The following NEBL variants were observed in gnomAD, a reference collection of about 807,000 sequenced individuals.
NEBL encodes nebulette, also known as LIM and SH3 protein 2.
In NEBL, 122 loss-of-function variants were observed where a neutral mutation model predicts 140.2. The ratio of observed to expected loss-of-function variants is 0.87; its 90% confidence interval spans 0.75 to 1.01. The LOEUF is 1.01. Ranked by LOEUF, NEBL falls within the 50% of genes least tolerant of loss-of-function variation. The pLI is 0.00. For synonymous variants in NEBL, 436 were observed against 398.9 expected, an observed-to-expected ratio of 1.09 and a Z score of -1.11; for missense variants, 1,365 against 1,231.3, an observed-to-expected ratio of 1.11 and a Z score of -1.62.
In NEBL at chr10:20,781,940, AAT is replaced by A. The variant is rs1266144066; in HGVS notation, c.*3805_*3806del. Reference sequence around the variant, plus strand: ...AGAAGCAAATCGCTAAGGTATAATTAATTTATGAAGTGAAGTTCATCTTGTGT... The same window carrying A: ...AGAAGCAAATCGCTAAGGTATAATTATTATGAAGTGAAGTTCATCTTGTGT... On this transcript the variant is annotated 3_prime_UTR_variant, in exon 28 of 28. Coordinates refer to ENST00000377122, the MANE Select transcript of NEBL (RefSeq NM_006393.3). The A allele has an allele frequency of 1.6e-4, 24 of 152,722 alleles. No homozygotes were observed. The highest frequency in any genetic ancestry group is 5.5e-4 in the African/African-American group (23 of 41,580). The allele number at this position is 152,722 out of a possible 1,614,324, so 9.5% of individuals were successfully genotyped here.
chr10:21,013,180 C>T (rs1382318314), intron 3 of NEBL, among the ~76,000 whole-genome samples: 3 of 152,194 alleles, frequency 2.0e-5, no homozygotes, highest in Non-Finnish European at 4.4e-5. Context: ...GCTGTGCTCC[C>T]TGAAGGAAAT....
chr10:21,284,126 G>A (rs1843026171), intron 1 of NEBL, among the ~76,000 whole-genome samples: 1 of 136,182 alleles, frequency 7.3e-6, no homozygotes, highest in African/African-American at 2.8e-5. Context: ...AGGAGAATCT[G>A]TAGAACCCAG....
intron 2 of NEBL, among the ~76,000 whole-genome samples, chr10:21,065,197 C>G (rs928997253): frequency 1.3e-5 from 2 of 152,184 alleles, no homozygotes; most frequent in African/African-American, 4.8e-5. Context: ...TCTGACCCCA[C>G]AGCATATGCC....
intron 3 of NEBL, among the ~76,000 whole-genome samples, chr10:21,209,757 C>T (rs901834677): frequency 1.3e-5 from 2 of 151,200 alleles, no homozygotes; most frequent in African/African-American, 4.9e-5. Flanking sequence ...GAACAGAGGC[C>T]TACACGTCAA....
At chr10:21,000,538 G>C (rs1301803911) in intron 3 of NEBL, among the ~76,000 whole-genome samples, 1 of 152,050 alleles carries the variant, frequency 6.6e-6, no homozygotes, top group Non-Finnish European at 1.5e-5. Flanking sequence ...CCATTCCCAG[G>C]TAAATGAGTC....
At chr10:21,132,214 T>G (rs1839145234) in intron 2 of NEBL, among the ~76,000 whole-genome samples, 1 of 152,196 alleles carries the variant, frequency 6.6e-6, no homozygotes, top group Non-Finnish European at 1.5e-5. Context: ...TCCTGCACAT[T>G]TCATATAAAT....
At chr10:21,233,056 G>A (rs11596876) in intron 3 of NEBL, among the ~76,000 whole-genome samples, 6,128 of 152,182 alleles carry the variant, frequency 0.04, 190 homozygotes, top group South Asian at 0.14. Flanking sequence ...TCCTATCTTA[G>A]GTTCAACCAC....
chr10:20,908,322 T>C (rs923747572), intron 4 of NEBL, among the ~76,000 whole-genome samples: 4 of 152,376 alleles, frequency 2.6e-5, no homozygotes, highest in Admixed American at 2.6e-4. Flanking sequence ...GGTAGTGATA[T>C]TACTTTCTCT....
chr10:21,249,329 A>T lies in NEBL; in HGVS notation n.280-1340T>A, dbSNP rs1181264915. 6.6e-5 allele frequency among the ~76,000 whole-genome samples: 10 copies of T among 152,340 alleles called. No individual in the cohort carries two copies. In the East Asian group the frequency reaches 1.9e-3, roughly 29 times the overall value. ...CATTTGACCCACAGAATGGGAGAAGATATTTACAAATCTGCTGATAGTGTC... is the reference window on the plus strand; with the variant it reads ...CATTTGACCCACAGAATGGGAGAAGTTATTTACAAATCTGCTGATAGTGTC... On this transcript the variant is annotated intron_variant and non_coding_transcript_variant, in intron 2 of 8. Coordinates refer to the NEBL transcript ENST00000675702.
At chr10:20,937,299 G>A (rs927532020) in intron 4 of NEBL, among the ~76,000 whole-genome samples, 41 of 152,186 alleles carry the variant, frequency 2.7e-4, no homozygotes, top group African/African-American at 7.9e-4. Flanking sequence ...TCTGAGTCAC[G>A]CAAAGGGCTT....
chr10:21,133,316 G>A (rs551512697), intron 2 of NEBL, among the ~76,000 whole-genome samples: 34 of 152,320 alleles, frequency 2.2e-4, no homozygotes, highest in Middle Eastern at 3.4e-3. Flanking sequence ...GTTAAATCAC[G>A]AAAGGGAAAA....
chr10:20,996,342 C>T (rs948969412), intron 3 of NEBL, among the ~76,000 whole-genome samples: 8 of 152,168 alleles, frequency 5.3e-5, no homozygotes, highest in African/African-American at 1.9e-4. Flanking sequence ...GTAAGAATAA[C>T]AGCTGTCATT....
chr10:21,015,990 C>T (rs1037271565), intron 3 of NEBL, among the ~76,000 whole-genome samples: 2 of 152,236 alleles, frequency 1.3e-5, no homozygotes, highest in South Asian at 2.1e-4. Context: ...AAGCCTGATG[C>T]CCCCGCAGGT....
intron 3 of NEBL, among the ~76,000 whole-genome samples, chr10:21,209,663 TTTTTTTTTTTTTC>T (rs796199267): frequency 0.011 from 1,591 of 147,924 alleles, 24 homozygotes; most frequent in African/African-American, 0.038. Flanking sequence ...TTTTTTTTCT[TTTTTTTTTTTTTC>T]TTTTTTTTAC....
At chr10:20,929,446 G>GCAATC (rs1834072524) in intron 4 of NEBL, among the ~76,000 whole-genome samples, 1 of 152,092 alleles carries the variant, frequency 6.6e-6, no homozygotes, top group African/African-American at 2.4e-5. Flanking sequence ...TGTAACCTCA[G>GCAATC]CAATCCCTAA....
chr10:20,818,769 G>C (rs1838983980), intron 20 of NEBL: 1 of 983,636 alleles, frequency 1.0e-6, no homozygotes, highest in Non-Finnish European at 1.2e-6. Flanking sequence ...AAGATCTCTT[G>C]AATAAGCAAA....
chr10:21,173,505 C>A lies in NEBL; in HGVS notation c.69+260G>T, dbSNP rs1304504025. ...GGGTCCGGGGCTGCGCACCGCCGTG[C>A]GCCCTCCGCAGAGGCTCTGCCGATG... is the stretch of plus-strand genomic sequence containing the variant. On this transcript the variant is annotated intron_variant, in intron 1 of 6. Coordinates refer to the NEBL transcript ENST00000417816. This position sits in a 1 kb window ranked among gnomAD's most constrained non-coding sequence, Gnocchi z 5.7. Among the ~76,000 whole-genome samples the A allele has an allele frequency of 1.3e-5, 2 of 152,070 alleles. No homozygotes were observed. Among genetic ancestry groups the A allele is most frequent in the Admixed American group, 6.5e-5 (1 of 15,286 alleles).
chr10:21,074,036 C>T (rs544230849), intron 2 of NEBL, among the ~76,000 whole-genome samples: 6 of 152,176 alleles, frequency 3.9e-5, no homozygotes, highest in Middle Eastern at 3.4e-3. Flanking sequence ...GATCATGCCA[C>T]TGCACTCCAG....
intron 3 of NEBL, among the ~76,000 whole-genome samples, chr10:20,964,565 A>T (rs1393621756): frequency 6.6e-6 from 1 of 152,122 alleles, no homozygotes; most frequent in Non-Finnish European, 1.5e-5. Context: ...GGGGAGGGCA[A>T]AAAGCCATTC....
Sources: gnomAD v4.1 joint callset for allele counts (sites outside exome capture counted in the v4.1 genomes callset) on GRCh38, gnomAD v4.1.1 for gene constraint, Gnocchi (gnomAD v3.1) non-coding constraint, MANE v1.5 for transcripts, NCBI Gene and HGNC (gene_info 2026-07-23, HGNC 2026-07-21) for gene names.